Variants in TECPR2 observed in about 807,000 individuals in gnomAD.
The protein encoded by TECPR2 is tectonin beta-propeller repeat containing 2.
Under a neutral mutation model 138.1 loss-of-function variants are expected in TECPR2, and 65 were observed. The observed-to-expected ratio is 0.47, with a 90% CI of 0.39 to 0.58. TECPR2 has a LOEUF of 0.58. Ranked by LOEUF, TECPR2 falls within the 20% of genes least tolerant of loss-of-function variation. The probability of loss-of-function intolerance (pLI) is 0.00; values close to 1 mark genes in which losing one functional copy is unlikely to be tolerated. For synonymous variants in TECPR2, 746 were observed against 749.8 expected, an observed-to-expected ratio of 0.99 and a Z score of 0.08; for missense variants, 1,553 against 1,824.5, an observed-to-expected ratio of 0.85 and a Z score of 2.71.
intron 16 of TECPR2, among the ~76,000 whole-genome samples, chr14:102,454,865 C>T (rs1462397236): frequency 6.6e-6 from 1 of 152,240 alleles, no homozygotes; most frequent in Non-Finnish European, 1.5e-5. Context: ...AAGGCTGCTG[C>T]ACCGTGGTGG....
At chr14:102,450,466 G>T in intron 14 of TECPR2, 94 bp from the exon 15 acceptor site, 1 of 1,221,804 alleles carries the variant, frequency 8.2e-7, no homozygotes. Flanking sequence ...TGGAGAAAGG[G>T]TTTGAAGGCC....
chr14:102,418,033 G>A (rs1567332242), intron 5 of TECPR2, among the ~76,000 whole-genome samples: 4 of 152,168 alleles, frequency 2.6e-5, no homozygotes, highest in African/African-American at 9.7e-5. Flanking sequence ...TGGGCCAGAG[G>A]TCAGGACATC....
chr14:102,487,499 A>G (rs1891054396), intron 17 of TECPR2, among the ~76,000 whole-genome samples: 1 of 152,210 alleles, frequency 6.6e-6, no homozygotes, highest in African/African-American at 2.4e-5. Flanking sequence ...AGAAGTTTGA[A>G]GAACTGTGGT....
Position 102,401,909 on chromosome 14 carries a change from G to A in TECPR2, c.220-5429G>A, listed in dbSNP as rs559218019. Among the ~76,000 whole-genome samples, 17 of 152,014 alleles carry A rather than the reference G, an allele frequency of 1.1e-4. No homozygotes were observed. In the East Asian group the frequency reaches 1.4e-3, roughly 12 times the overall value. On this transcript the variant is annotated intron_variant, in intron 2 of 19. Coordinates refer to ENST00000359520, the MANE Select transcript of TECPR2 (RefSeq NM_014844.5). ...ATGCAAATAGTAATGAAAAGGGATC[G>A]GGGTGGCTATTCTACTATCAGACAA...
At chr14:102,449,917 C>A in intron 14 of TECPR2, 48 bp downstream of exon 14, 1 of 1,594,166 alleles carries the variant, frequency 6.3e-7, no homozygotes, top group South Asian at 1.1e-5. Flanking sequence ...GGCAGCCTCA[C>A]TTTAAAGCCA....
In TECPR2 at chr14:102,443,279, CAA is replaced by C. The variant is rs754473651; in HGVS notation, c.2753-366_2753-365del. Among the ~76,000 whole-genome samples the C allele has an allele frequency of 1.2e-4, 19 of 152,172 alleles. No individual in the cohort carries two copies. Among genetic ancestry groups the C allele is most frequent in the Non-Finnish European group, 2.1e-4 (14 of 68,028 alleles). ...AGATAATTCTGAATTGTTCAGTTTT[CAA>C]AGAGTGTCTAAAACTGTTTTCAGAT... On this transcript the variant is annotated intron_variant, in intron 11 of 19. Transcript: ENST00000359520. This position sits in a 1 kb window ranked among gnomAD's most constrained non-coding sequence, Gnocchi z 4.9.
intron 10 of TECPR2, among the ~76,000 whole-genome samples, chr14:102,439,628 A>T (rs1303710548): frequency 1.3e-5 from 2 of 152,186 alleles, no homozygotes; most frequent in East Asian, 1.9e-4. Context: ...TCACTGTGCT[A>T]GCGGGAACTC....
Position 102,364,611 on chromosome 14 carries a change from G to A in TECPR2, c.-73+1495G>A, listed in dbSNP as rs74082296. Among the ~76,000 whole-genome samples the A allele has an allele frequency of 3.8e-3, 579 of 152,336 alleles. 4 individuals are homozygous for A. Among genetic ancestry groups the A allele is most frequent in the African/African-American group, 0.013 (542 of 41,578 alleles). Reference sequence around the variant, plus strand: ...TAACCCTCTTCTGAAGGAGTGACTAGGAAGTAGCTTTTGTTAGGCATCAGC... The same window carrying A: ...TAACCCTCTTCTGAAGGAGTGACTAAGAAGTAGCTTTTGTTAGGCATCAGC... On this transcript the variant is annotated intron_variant, in intron 1 of 19. Coordinates refer to ENST00000359520, the MANE Select transcript of TECPR2 (RefSeq NM_014844.5).
chr14:102,451,598 C>T (rs1211096879), intron 15 of TECPR2, among the ~76,000 whole-genome samples: 1 of 152,120 alleles, frequency 6.6e-6, no homozygotes, highest in Non-Finnish European at 1.5e-5. Flanking sequence ...TGTTACCGCA[C>T]TTCACCGGGG....
At chr14:102,370,874 T>C (rs1175802644) in intron 1 of TECPR2, among the ~76,000 whole-genome samples, 2 of 151,916 alleles carry the variant, frequency 1.3e-5, no homozygotes, top group African/African-American at 4.8e-5. Context: ...ATCGGGGACA[T>C]GGAGAGGAGA....
intron 2 of TECPR2, among the ~76,000 whole-genome samples, chr14:102,385,356 C>T (rs1287160252): frequency 6.6e-6 from 1 of 152,186 alleles, no homozygotes; most frequent in African/African-American, 2.4e-5. Context: ...TAGGCCCCAC[C>T]TCCCAGCACT....
In TECPR2 at chr14:102,376,906, G is replaced by T; in HGVS notation, c.185G>T (p.Arg62Leu). 1.2e-6 allele frequency: 2 copies of T among 1,614,046 alleles called. No homozygotes were observed. Among genetic ancestry groups the T allele is most frequent in the Non-Finnish European group, 1.7e-6 (2 of 1,180,006 alleles). The change falls in exon 2 of 20, where the codon CGG becomes CTG. Residue 62 changes from arginine (R) to leucine (L), a missense_variant. Physicochemically the swap from Arg to Leu is moderately radical, Grantham distance 102 (BLOSUM62 -2). Coordinates refer to ENST00000359520, the MANE Select transcript of TECPR2 (RefSeq NM_014844.5). The stretch of plus-strand genomic sequence containing the variant: ...ATCGGCATGCTCTATCTGTACTGCC[G>T]GCACCTCAACCAGATGAGGAAGTAC... ...SSIGMLYLYCRHLNQMRKYNF... is the reference protein window; with the variant it reads ...SSIGMLYLYCLHLNQMRKYNF...
At chr14:102,425,356 G>A (rs940919628) in intron 6 of TECPR2, 65 bp downstream of exon 6, 3 of 1,486,682 alleles carry the variant, frequency 2.0e-6, no homozygotes, top group Non-Finnish European at 2.7e-6. Context: ...TCTATAAACT[G>A]TTCTACTCAG....
chr14:102,483,791 C>CTTTTT (rs71119708), intron 17 of TECPR2, among the ~76,000 whole-genome samples: 33 of 92,410 alleles, frequency 3.6e-4, no homozygotes, highest in East Asian at 6.7e-4. Flanking sequence ...TTTTCCTTTT[C>CTTTTT]TTTTTTTTTT....
intron 2 of TECPR2, among the ~76,000 whole-genome samples, chr14:102,397,604 G>T (rs906520259): frequency 6.6e-6 from 1 of 151,918 alleles, no homozygotes; most frequent in Non-Finnish European, 1.5e-5. Flanking sequence ...AAAACTAGCT[G>T]GGTGTGGTGG....
intron 4 of TECPR2, among the ~76,000 whole-genome samples, chr14:102,412,123 C>CT (rs751930335): frequency 0.049 from 4,433 of 90,652 alleles, 347 homozygotes; most frequent in African/African-American, 0.12. Context: ...AATGTTGACA[C>CT]TTTTTTTTTT....
rs113445898 is a variant in TECPR2, at chr14:102,450,444, T to C, written c.3317-116T>C. 1,508 of 964,230 alleles carry C rather than the reference T, an allele frequency of 1.6e-3. 20 individuals are homozygous for C. In the African/African-American group the frequency reaches 0.022, roughly 14 times the overall value. 59.7% of individuals were successfully genotyped at this position (964,230 alleles called of 1,614,324 possible). On this transcript the variant is annotated intron_variant, in intron 14 of 19. Transcript: ENST00000359520. The stretch of plus-strand genomic sequence containing the variant: ...CTCATGTCGCTTTATTTAGGGACAC[T>C]CTAGAATTATCTGGAGAAAGGGTTT...
chr14:102,436,992 T>C (rs1368390213), intron 9 of TECPR2: 7 of 985,436 alleles, frequency 7.1e-6, no homozygotes, highest in Middle Eastern at 5.2e-4. Flanking sequence ...TTTGAGCCCC[T>C]GACTCTCTAA....
At chr14:102,416,755 G>A (rs892723479) in intron 5 of TECPR2, among the ~76,000 whole-genome samples, 6 of 152,110 alleles carry the variant, frequency 3.9e-5, no homozygotes, top group Non-Finnish European at 7.4e-5. Flanking sequence ...AGGCCAAGGT[G>A]GGCGGGTCAC....
Sources: allele counts gnomAD v4.1 joint callset (sites outside exome capture counted in the v4.1 genomes callset), GRCh38; gene constraint gnomAD v4.1.1; non-coding constraint Gnocchi (gnomAD v3.1); transcripts MANE v1.5; gene names NCBI Gene and HGNC (gene_info 2026-07-23, HGNC 2026-07-21).